Variants in DOP1B observed in about 807,000 individuals in gnomAD.
The protein encoded by DOP1B is protein DOP1B.
A neutral mutation model predicts 233.5 loss-of-function variants in DOP1B; 174 were observed. That is an observed-to-expected ratio of 0.75 (90% confidence interval 0.66 to 0.85). The LOEUF (loss-of-function observed/expected upper bound fraction) is 0.85, where lower values mean the gene tolerates loss of function less well. Ranked by LOEUF, DOP1B falls within the 40% of genes least tolerant of loss-of-function variation. DOP1B has a pLI of 0.00. For missense variants in DOP1B, 2,652 were observed against 2,846.6 expected, an observed-to-expected ratio of 0.93 and a Z score of 1.56; for synonymous variants, 1,190 against 1,185.6, an observed-to-expected ratio of 1.00 and a Z score of -0.08.
At chr21:36,191,269 C>CA (rs2066231679) in intron 2 of DOP1B, among the ~76,000 whole-genome samples, 1 of 141,982 alleles carries the variant, frequency 7.0e-6, no homozygotes, top group African/African-American at 2.6e-5. Context: ...AAAAAAAAAA[C>CA]AAAAAACAGA....
intron 30 of DOP1B, 44 bp downstream of exon 30, chr21:36,278,399 G>C: frequency 1.9e-6 from 3 of 1,567,318 alleles, no homozygotes; most frequent in Non-Finnish European, 2.6e-6. Context: ...GAATCTTCAG[G>C]TGGAAATGGC....
intron 11 of DOP1B, among the ~76,000 whole-genome samples, chr21:36,224,224 A>G (rs562138913): frequency 2.0e-4 from 31 of 151,474 alleles, no homozygotes; most frequent in Middle Eastern, 3.4e-3. Flanking sequence ...ATCCCAGCTC[A>G]CTGCAACCTC....
At chr21:36,165,075 GA>G (rs1373412392) in intron 2 of DOP1B, among the ~76,000 whole-genome samples, 6 of 151,802 alleles carry the variant, frequency 4.0e-5, no homozygotes, top group Admixed American at 1.3e-4. Context: ...ATATAGAAAA[GA>G]AAAAAACCAC....
At chr21:36,183,726 C>T (rs796431040) in intron 2 of DOP1B, among the ~76,000 whole-genome samples, 6 of 152,382 alleles carry the variant, frequency 3.9e-5, no homozygotes, top group African/African-American at 1.2e-4. Flanking sequence ...AGCCACAGCA[C>T]TCTGCCTCTT....
rs545711530 is a variant in DOP1B, at chr21:36,214,107, G to T, written c.931G>T (p.Val311Leu). 2.5e-6 allele frequency: 4 copies of T among 1,613,812 alleles called. No individual in the cohort carries two copies. In the African/African-American group the frequency reaches 5.3e-5, roughly 22 times the overall value. Residue 311 changes from valine (V) to leucine (L), a missense_variant, in exon 8 of 37, where the codon GTG becomes TTG. Coordinates refer to ENST00000691173, the MANE Select transcript of DOP1B (RefSeq NM_001320714.2). Reference protein sequence around the residue: ...LGSDIKGNTVVPESEISNSYE... With the variant: ...LGSDIKGNTVLPESEISNSYE... ...CTCAGACATAAAAGGAAATACCGTT[G>T]TGCCAGAATCTGAAATCTCAAATTC... is the stretch of plus-strand genomic sequence containing the variant.
chr21:36,290,591 G>C lies in DOP1B; in HGVS notation c.6515+1385G>C, dbSNP rs71330666. On this transcript the variant is annotated intron_variant, in intron 35 of 36. Coordinates refer to ENST00000691173, the MANE Select transcript of DOP1B (RefSeq NM_001320714.2). ...AGGTGGTTGGATCACCTGAGTTTGG[G>C]ATCAGCCTGACCAACATGGAGAAAA... Among the ~76,000 whole-genome samples, 502 of 152,252 alleles carry C rather than the reference G, an allele frequency of 3.3e-3. 3 individuals carry two copies. The highest frequency in any genetic ancestry group is 0.014 in the Middle Eastern group (4 of 294).
At chr21:36,270,285 G>C (rs1206722666) in intron 27 of DOP1B, 128 bp downstream of exon 27, 48 of 1,039,134 alleles carry the variant, frequency 4.6e-5, no homozygotes, top group Non-Finnish European at 6.3e-5. Flanking sequence ...GGGTGCGGTG[G>C]CTCACGCCTG....
At chr21:36,176,091 T>TGTGTGC (rs1441890963) in intron 2 of DOP1B, among the ~76,000 whole-genome samples, 1 of 142,794 alleles carries the variant, frequency 7.0e-6, no homozygotes, top group Non-Finnish European at 1.5e-5. Context: ...CTTTGGGGTG[T>TGTGTGC]GTGTGCGTGT....
At chr21:36,237,456 G>A in intron 16 of DOP1B, 42 bp downstream of exon 16, 1 of 1,609,894 alleles carries the variant, frequency 6.2e-7, no homozygotes, top group Non-Finnish European at 8.5e-7. Flanking sequence ...CAGCACCCCG[G>A]CCCCTGCTGT....
At chr21:36,271,196 ACT>A (rs1046764417) in intron 27 of DOP1B, among the ~76,000 whole-genome samples, 4 of 149,350 alleles carry the variant, frequency 2.7e-5, no homozygotes, top group Non-Finnish European at 4.4e-5. Context: ...ATTCACCCAG[ACT>A]CTTTCTTTGT....
intron 1 of DOP1B, among the ~76,000 whole-genome samples, chr21:36,164,082 G>A (rs1334151637): frequency 6.6e-6 from 1 of 152,198 alleles, no homozygotes; most frequent in Non-Finnish European, 1.5e-5. Flanking sequence ...GGGAATTACA[G>A]TGTTACCATG....
rs745522861 is a variant in DOP1B at position 36,237,340 on chromosome 21, C to T, written c.2701C>T (p.Arg901Trp). 57 of 1,614,174 alleles carry T rather than the reference C, an allele frequency of 3.5e-5. No homozygotes were observed. The highest frequency in any genetic ancestry group is 8.9e-5 in the East Asian group (4 of 44,878). Residue 901 changes from arginine to tryptophan, a missense_variant, in exon 16 of 37, where the codon CGG becomes TGG. Arg to Trp is a moderately radical substitution (Grantham distance 101, BLOSUM62 -3). Coordinates refer to ENST00000691173, the MANE Select transcript of DOP1B (RefSeq NM_001320714.2). Reference protein sequence around the residue: ...HHVTCVELFYRLHCLAPTANI... With the variant: ...HHVTCVELFYWLHCLAPTANI... ...CGTCACCTGCGTAGAATTGTTCTAC[C>T]GGCTGCACTGCCTGGCCCCTACGGC...
At chr21:36,283,376 C>A (rs190539445) in intron 32 of DOP1B, among the ~76,000 whole-genome samples, 2 of 152,246 alleles carry the variant, frequency 1.3e-5, no homozygotes, top group East Asian at 3.9e-4. Context: ...AGCCACCGCA[C>A]CCAGCCGGAA....
Position 36,214,695 on chromosome 21 carries a change from G to A in DOP1B, c.1129+139G>A, listed in dbSNP as rs1372137093. On this transcript the variant is annotated intron_variant, in intron 9 of 36. Coordinates refer to ENST00000691173, the MANE Select transcript of DOP1B (RefSeq NM_001320714.2). ...TGGAATTTCACAACTTTGAAGTCATGTTATATGGTTCAATGATCATATCTG... is the reference window on the plus strand; with the variant it reads ...TGGAATTTCACAACTTTGAAGTCATATTATATGGTTCAATGATCATATCTG... The A allele has an allele frequency of 3.7e-6, 3 of 817,728 alleles. No individual in the cohort carries two copies. The African/African-American group carries it at 5.2e-5, about 14-fold the overall frequency. 50.7% of individuals were successfully genotyped at this position (817,728 alleles called of 1,614,324 possible).
At chr21:36,222,967 T>C (rs1312383099) in intron 10 of DOP1B, among the ~76,000 whole-genome samples, 1 of 152,152 alleles carries the variant, frequency 6.6e-6, no homozygotes, top group Non-Finnish European at 1.5e-5. Context: ...CACCTCAGCC[T>C]CCCAAAGTGC....
At chr21:36,171,780 G>C (rs141144102) in intron 2 of DOP1B, among the ~76,000 whole-genome samples, 1 of 152,182 alleles carries the variant, frequency 6.6e-6, no homozygotes, top group Non-Finnish European at 1.5e-5. Flanking sequence ...GTGGCACTTC[G>C]TTATAGCAGC....
intron 9 of DOP1B, among the ~76,000 whole-genome samples, chr21:36,217,931 C>T (rs1259963479): frequency 3.3e-5 from 5 of 152,200 alleles, no homozygotes; most frequent in African/African-American, 4.8e-5. Flanking sequence ...GCCAAGTAAA[C>T]GTTGCTGCTA....
At chr21:36,227,424 G>A (rs1344667052) in intron 12 of DOP1B, among the ~76,000 whole-genome samples, 1 of 151,140 alleles carries the variant, frequency 6.6e-6, no homozygotes, top group Non-Finnish European at 1.5e-5. Flanking sequence ...GTGGGCACCT[G>A]TAGTCCCAGC....
chr21:36,252,872 G>A (rs59689524), intron 22 of DOP1B, among the ~76,000 whole-genome samples: 4,443 of 152,136 alleles, frequency 0.029, 188 homozygotes, highest in African/African-American at 0.096. Context: ...TGCAGGGGTC[G>A]GCTTACCTTT....
Sources: allele counts gnomAD v4.1 joint callset (sites outside exome capture counted in the v4.1 genomes callset), GRCh38; gene constraint gnomAD v4.1.1; transcripts MANE v1.5; gene names NCBI Gene and HGNC (gene_info 2026-07-23, HGNC 2026-07-21).